Variants in KAZN observed in about 807,000 individuals in gnomAD.
The protein encoded by KAZN is kazrin, periplakin interacting protein.
In KAZN, 40 loss-of-function variants were observed where a neutral mutation model predicts 87.4. The observed-to-expected ratio is 0.46, with a 90% confidence interval of 0.36 to 0.60. The LOEUF is 0.60. Among genes scored for constraint, KAZN ranks in the 20% least tolerant of loss-of-function variants. KAZN has a pLI of 0.00. For missense variants in KAZN, 898 were observed against 1,073.9 expected (o/e 0.84, Z 2.29); for synonymous variants, 466 against 458.3 (o/e 1.02, Z -0.22).
chr1:13,972,155 T>A (rs1326711955), intron 1 of KAZN, among the ~76,000 whole-genome samples: 1 of 152,098 alleles, frequency 6.6e-6, no homozygotes, highest in African/African-American at 2.4e-5. Flanking sequence ...AATAGAATAT[T>A]TCAGAAAATA....
chr1:14,562,302 GA>G, intron 2 of KAZN, among the ~76,000 whole-genome samples: 2 of 152,280 alleles, frequency 1.3e-5, no homozygotes, highest in Middle Eastern at 6.8e-3. Flanking sequence ...AAACCAATCT[GA>G]AATATTTGGG....
intron 1 of KAZN, among the ~76,000 whole-genome samples, chr1:13,958,679 G>A (rs905576289): frequency 6.6e-6 from 1 of 152,132 alleles, no homozygotes; most frequent in Non-Finnish European, 1.5e-5. Flanking sequence ...AGACTAGGGG[G>A]TTAGGTAGGA....
At chr1:13,989,563 T>C (rs1169965723) in intron 1 of KAZN, among the ~76,000 whole-genome samples, 1 of 151,080 alleles carries the variant, frequency 6.6e-6, no homozygotes, top group Non-Finnish European at 1.5e-5. Context: ...AAAGTCAAAA[T>C]GGAGCAAAGC....
intron 2 of KAZN, among the ~76,000 whole-genome samples, chr1:14,574,777 CT>C (rs1675078666): frequency 6.6e-6 from 1 of 152,130 alleles, no homozygotes; most frequent in African/African-American, 2.4e-5. Flanking sequence ...TCGTCCTGCC[CT>C]TGTGAGCTTT....
At chr1:14,894,561 C>G (rs1303611972) in intron 1 of KAZN, among the ~76,000 whole-genome samples, 1 of 152,218 alleles carries the variant, frequency 6.6e-6, no homozygotes, top group Non-Finnish European at 1.5e-5. Context: ...ATCTTTCCAG[C>G]TCATCTCAAG....
chr1:13,980,440 G>C (rs1320356824), intron 1 of KAZN, among the ~76,000 whole-genome samples: 1 of 151,966 alleles, frequency 6.6e-6, no homozygotes, highest in African/African-American at 2.4e-5. Context: ...GGTAGAAAAA[G>C]ATATACCACG....
chr1:13,997,431 G>A (rs1455140825), intron 1 of KAZN, among the ~76,000 whole-genome samples: 1 of 151,924 alleles, frequency 6.6e-6, no homozygotes, highest in Admixed American at 6.6e-5. Flanking sequence ...CTGAGCTACG[G>A]GGGCATATTC....
chr1:14,931,400 G>A (rs12569039), intron 1 of KAZN, among the ~76,000 whole-genome samples: 15,735 of 152,046 alleles, frequency 0.1, 1,001 homozygotes, highest in East Asian at 0.27. Context: ...AGTGAGCTAA[G>A]ATCATGCCAC....
At chr1:14,931,818 C>T (rs528555332) in intron 1 of KAZN, among the ~76,000 whole-genome samples, 8 of 152,288 alleles carry the variant, frequency 5.3e-5, no homozygotes, top group African/African-American at 1.7e-4. Flanking sequence ...GATCAGGGCA[C>T]GCTAGCACCT....
chr1:14,552,041 C>T (rs1438275602), intron 2 of KAZN, among the ~76,000 whole-genome samples: 1 of 151,896 alleles, frequency 6.6e-6, no homozygotes, highest in Non-Finnish European at 1.5e-5. Flanking sequence ...TCTGAGTGCC[C>T]TTGACCAAGA....
At chr1:14,910,397 T>C (rs767511658) in intron 1 of KAZN, among the ~76,000 whole-genome samples, 10 of 152,188 alleles carry the variant, frequency 6.6e-5, no homozygotes, top group Non-Finnish European at 1.5e-4. Context: ...GTCTCTTGAT[T>C]CAGCCCAGGG....
At chr1:14,137,991 C>T (rs1050462959) in intron 1 of KAZN, among the ~76,000 whole-genome samples, 1 of 151,932 alleles carries the variant, frequency 6.6e-6, no homozygotes, top group Non-Finnish European at 1.5e-5. Context: ...TTTGATTTCC[C>T]ATGTATGAAA....
intron 1 of KAZN, among the ~76,000 whole-genome samples, chr1:14,131,020 G>T (rs1017768070): frequency 6.6e-6 from 1 of 152,148 alleles, no homozygotes; most frequent in African/African-American, 2.4e-5. Flanking sequence ...AGGCTGTACA[G>T]GTTTCTGCTT....
rs534965464 is a variant in KAZN at position 14,280,295 on chromosome 1, C to G, written c.249+99703C>G. The stretch of plus-strand genomic sequence containing the variant: ...GAGAATCAGGAGACTCACTTGAACC[C>G]GGGAGGCGGAGGTTGCAGTGAGCCA... On this transcript the variant is annotated intron_variant, in intron 2 of 16. Coordinates refer to the KAZN transcript ENST00000636203. Among the ~76,000 whole-genome samples the G allele has an allele frequency of 3.9e-4, 57 of 147,078 alleles. 1 individual carries two copies. Among genetic ancestry groups the G allele is most frequent in the African/African-American group, 1.4e-3 (56 of 40,044 alleles).
chr1:14,416,997 T>G (rs1557704596), intron 2 of KAZN, among the ~76,000 whole-genome samples: 2 of 83,772 alleles, frequency 2.4e-5, no homozygotes, highest in Non-Finnish European at 4.9e-5. Flanking sequence ...TATATGTGTG[T>G]ATGTATATAT....
At chr1:15,109,547 C>T (rs1399477600) in intron 13 of KAZN, among the ~76,000 whole-genome samples, 2 of 152,104 alleles carry the variant, frequency 1.3e-5, no homozygotes, top group African/African-American at 4.8e-5. Flanking sequence ...GTAGCAATTA[C>T]TCTTTCTATT....
At chr1:14,909,110 T>TATATCCCATA (rs1273662119) in intron 1 of KAZN, among the ~76,000 whole-genome samples, 1 of 152,222 alleles carries the variant, frequency 6.6e-6, no homozygotes, top group Non-Finnish European at 1.5e-5. Flanking sequence ...ATCCCGAAGT[T>TATATCCCATA]TCCTCTTCCA....
chr1:14,142,618 A>G (rs2101771649), intron 1 of KAZN, among the ~76,000 whole-genome samples: 1 of 152,352 alleles, frequency 6.6e-6, no homozygotes, highest in Admixed American at 6.5e-5. Flanking sequence ...TGAGCCTGAA[A>G]GCGCTGTAGC....
At chr1:14,002,858 TA>T (rs1639859992) in intron 1 of KAZN, among the ~76,000 whole-genome samples, 1 of 152,186 alleles carries the variant, frequency 6.6e-6, no homozygotes, top group Non-Finnish European at 1.5e-5. Context: ...TTACTGAGTA[TA>T]TACCCAAAGG....
Sources: gnomAD v4.1 joint callset for allele counts (sites outside exome capture counted in the v4.1 genomes callset) on GRCh38, gnomAD v4.1.1 for gene constraint, MANE v1.5 for transcripts, NCBI Gene and HGNC (gene_info 2026-07-23, HGNC 2026-07-21) for gene names.